The following ZNF704 variants were observed in gnomAD, a reference collection of about 807,000 sequenced individuals.
ZNF704 encodes the protein zinc finger protein 704.
ZNF704 carries 10 observed loss-of-function variants against 44.7 expected under a neutral mutation model. The observed-to-expected ratio is 0.22, with a 90% CI of 0.14 to 0.38. ZNF704 has a LOEUF of 0.38. Among genes scored for constraint, ZNF704 ranks in the 10% least tolerant of loss-of-function variants. The pLI is 1.00. For synonymous variants in ZNF704, 211 were observed against 207.6 expected (o/e 1.02, Z -0.14); for missense variants, 390 against 545.5 (o/e 0.71, Z 2.84).
chr8:80,738,472 T>A (rs1322973747), intron 2 of ZNF704, among the ~76,000 whole-genome samples: 1 of 152,174 alleles, frequency 6.6e-6, no homozygotes, highest in Non-Finnish European at 1.5e-5. Context: ...GTTCCTACTT[T>A]CTAGATAAAT....
At chr8:80,729,125 A>G (rs1436992744) in intron 2 of ZNF704, among the ~76,000 whole-genome samples, 2 of 152,168 alleles carry the variant, frequency 1.3e-5, no homozygotes, top group Non-Finnish European at 2.9e-5. Context: ...AAAGTAAATG[A>G]AGGTAAGGGA....
intron 3 of ZNF704, among the ~76,000 whole-genome samples, chr8:80,689,300 A>G (rs1470991905): frequency 3.9e-5 from 6 of 152,170 alleles, no homozygotes; most frequent in Non-Finnish European, 7.3e-5. Flanking sequence ...GTCAAGCAAA[A>G]AGTTAAGTTA....
Position 80,785,551 on chromosome 8 carries a change from G to A in ZNF704, c.221+35823C>T, listed in dbSNP as rs542992592. ...TCAAATCATTTATTTATATACATAC[G>A]GACTCATGGGCATTTATTTTATAGT... is the stretch of plus-strand genomic sequence containing the variant. On this transcript the variant is annotated intron_variant, in intron 2 of 8. Coordinates refer to ENST00000327835, the MANE Select transcript of ZNF704 (RefSeq NM_001033723.3). Among the ~76,000 whole-genome samples, 103 of 152,064 alleles carry A rather than the reference G, an allele frequency of 6.8e-4. 1 individual carries two copies. The South Asian group carries it at 0.015, about 22-fold the overall frequency.
intron 2 of ZNF704, among the ~76,000 whole-genome samples, chr8:80,712,889 T>A (rs768769687): frequency 6.6e-6 from 1 of 152,002 alleles, no homozygotes; most frequent in Non-Finnish European, 1.5e-5. Flanking sequence ...TTTGTTTGTT[T>A]GTTTTGGTTT....
intron 1 of ZNF704, among the ~76,000 whole-genome samples, chr8:80,831,346 TC>T (rs1808469671): frequency 6.6e-6 from 1 of 152,168 alleles, no homozygotes; most frequent in Non-Finnish European, 1.5e-5. Context: ...ACTTCATCTG[TC>T]CAAATAGGGT....
intron 1 of ZNF704, among the ~76,000 whole-genome samples, chr8:80,838,901 G>C (rs1356536934): frequency 6.6e-6 from 1 of 152,112 alleles, no homozygotes; most frequent in Non-Finnish European, 1.5e-5. Context: ...AGGAGGAGGA[G>C]AGCGGACCCT....
rs1817640961 is a variant in ZNF704, at chr8:80,634,809, A to C, written c.*6557T>G. On this transcript the variant is annotated 3_prime_UTR_variant, in exon 9 of 9. Transcript: ENST00000327835. ...TTTGCAACCTCTCCTATATAGAATT[A>C]GGAATCTTTTGGAAATGAGACTCAT... 1 of 152,204 alleles carries C rather than the reference A, an allele frequency of 6.6e-6. No individual in the cohort carries two copies. The highest frequency in any genetic ancestry group is 6.5e-5 in the Admixed American group (1 of 15,274). 9.4% of individuals were successfully genotyped at this position (152,204 alleles called of 1,614,324 possible). A position where few individuals can be genotyped will look rare whatever the true frequency, so the allele number is the denominator to read the frequency against.
At chr8:80,819,450 A>G (rs1586050303) in intron 2 of ZNF704, among the ~76,000 whole-genome samples, 1 of 152,266 alleles carries the variant, frequency 6.6e-6, no homozygotes, top group South Asian at 2.1e-4. Flanking sequence ...TTTAACATAT[A>G]CAATGGTCTA....
intron 2 of ZNF704, among the ~76,000 whole-genome samples, chr8:80,816,164 T>C (rs1042723557): frequency 6.6e-6 from 1 of 152,216 alleles, no homozygotes; most frequent in African/African-American, 2.4e-5. Flanking sequence ...CCTGTACTAA[T>C]GTGGTGGCTT....
Position 80,630,652 on chromosome 8 carries a change from G to A in ZNF704, c.*10714C>T, listed in dbSNP as rs557997557. ...TTGAAAAAATGACCGTAGGCCACTC[G>A]CAGTTGCATCTGATGATAGTCATGA... On this transcript the variant is annotated 3_prime_UTR_variant, in exon 9 of 9. Transcript: ENST00000327835. The A allele has an allele frequency of 3.0e-4, 46 of 152,214 alleles. No individual in the cohort carries two copies. The highest frequency in any genetic ancestry group is 9.4e-4 in the African/African-American group (39 of 41,538). 9.4% of individuals were successfully genotyped at this position (152,214 alleles called of 1,614,324 possible). A position where few individuals can be genotyped will look rare whatever the true frequency, so the allele number is the denominator to read the frequency against.
chr8:80,852,190 T>A (rs1056434258), intron 1 of ZNF704, among the ~76,000 whole-genome samples: 2 of 152,158 alleles, frequency 1.3e-5, no homozygotes, highest in African/African-American at 2.4e-5. Context: ...ACCTTTAAAA[T>A]CTGCACTGAA....
At position 80,809,369 on chromosome 8, in the gene ZNF704, T is replaced by C. The variant is rs190356527; in HGVS notation, c.221+12005A>G. 1.2e-4 allele frequency among the ~76,000 whole-genome samples: 18 copies of C among 152,266 alleles called. No homozygotes were observed. The East Asian group carries it at 3.3e-3, about 28-fold the overall frequency. On this transcript the variant is annotated intron_variant, in intron 2 of 8. Transcript: ENST00000327835. ...CTTTAAAAAAATATGTGATAGCAAATTGGATGCAAAAATAGCAGATGACCT... is the reference window on the plus strand; with the variant it reads ...CTTTAAAAAAATATGTGATAGCAAACTGGATGCAAAAATAGCAGATGACCT...
chr8:80,880,021 G>A, the ZNF704 span, among the ~76,000 whole-genome samples: 1 of 152,180 alleles, frequency 6.6e-6, no homozygotes, highest in Admixed American at 6.5e-5. Flanking sequence ...TAAGTGATGT[G>A]TGGTCCTCTG....
At chr8:80,727,951 C>A (rs1271176553) in intron 2 of ZNF704, among the ~76,000 whole-genome samples, 2 of 152,066 alleles carry the variant, frequency 1.3e-5, no homozygotes, top group Non-Finnish European at 2.9e-5. Context: ...GCTGCACTTA[C>A]CAAACTACAA....
chr8:80,651,310 A>G (rs867280233), intron 7 of ZNF704, among the ~76,000 whole-genome samples: 2 of 152,246 alleles, frequency 1.3e-5, no homozygotes, highest in African/African-American at 4.8e-5. Flanking sequence ...AAATTCACAC[A>G]TAACAATATT....
intron 2 of ZNF704, among the ~76,000 whole-genome samples, chr8:80,803,347 A>T (rs1807933674): frequency 6.6e-6 from 1 of 152,166 alleles, no homozygotes; most frequent in African/African-American, 2.4e-5. Context: ...TTTAAATTTC[A>T]TATGGATTAA....
At chr8:80,866,196 C>T (rs1223745651) in intron 1 of ZNF704, among the ~76,000 whole-genome samples, 1 of 152,156 alleles carries the variant, frequency 6.6e-6, no homozygotes, top group Non-Finnish European at 1.5e-5. Context: ...AATTACATCT[C>T]AAATTGTGGT....
chr8:80,671,387 C>T (rs185070228), intron 4 of ZNF704, among the ~76,000 whole-genome samples: 1 of 152,158 alleles, frequency 6.6e-6, no homozygotes, highest in African/African-American at 2.4e-5. Flanking sequence ...ATTGAGAGCA[C>T]TGATTTTGGG....
chr8:80,765,458 T>G (rs1044666063), intron 2 of ZNF704, among the ~76,000 whole-genome samples: 1 of 152,294 alleles, frequency 6.6e-6, no homozygotes, highest in East Asian at 1.9e-4. Flanking sequence ...CCACTCCTTG[T>G]CAACTTGGCA....
Sources: allele counts gnomAD v4.1 joint callset (sites outside exome capture counted in the v4.1 genomes callset), GRCh38; gene constraint gnomAD v4.1.1; transcripts MANE v1.5; gene names NCBI Gene and HGNC (gene_info 2026-07-23, HGNC 2026-07-21).